ZNF687: variants seen among roughly 807,000 people sequenced by gnomAD.
ZNF687 encodes the protein zinc finger protein 687.
In ZNF687, 13 loss-of-function variants were observed where a neutral mutation model predicts 71.8. The observed-to-expected ratio is 0.18, with a 90% CI of 0.12 to 0.29. ZNF687 has a LOEUF of 0.29. ZNF687 is among the 10% of genes least tolerant of loss of function. The pLI, the probability that ZNF687 is intolerant of heterozygous loss-of-function variation, is 1.00. For synonymous variants in ZNF687, 673 were observed against 641.6 expected (o/e 1.05, Z -0.74); for missense variants, 1,412 against 1,625.6 (o/e 0.87, Z 2.26).
At chr1:151,283,722 A>G in intron 1 of ZNF687, 1 of 651,448 alleles carries the variant, frequency 1.5e-6, no homozygotes, top group Non-Finnish European at 1.9e-6. Context: ...TATAGAGACA[A>G]GGGTTTTTGT....
rs1451544496 is a variant in ZNF687, at chr1:151,282,394, A to G, written c.-19A>G. ...TCTCGGCCCGCACCAGGAGCGGAAC[A>G]AGTAAGCGTGCCTGGGGTAAATACC... On this transcript the variant is annotated splice_region_variant and 5_prime_UTR_variant, in exon 1 of 9. Coordinates refer to ENST00000336715, the MANE Select transcript of ZNF687 (RefSeq NM_020832.3). The G allele has an allele frequency of 1.0e-6, 1 of 988,370 alleles. No homozygotes were observed. Among genetic ancestry groups the G allele is most frequent in the East Asian group, 1.1e-4 (1 of 8,838 alleles). The allele number at this position is 988,370 out of a possible 1,614,324, so 61.2% of individuals were successfully genotyped here.
At chr1:151,282,500 C>T (rs1470855558) in intron 1 of ZNF687, 105 bp downstream of exon 1, 4 of 855,150 alleles carry the variant, frequency 4.7e-6, no homozygotes, top group Non-Finnish European at 5.6e-6. Context: ...CCCTTCTCCG[C>T]GCCGCCCCCT....
At chr1:151,290,288 T>C in intron 7 of ZNF687, 54 bp downstream of exon 7, 2 of 1,610,088 alleles carry the variant, frequency 1.2e-6, no homozygotes, top group Non-Finnish European at 1.7e-6. Context: ...TCTCCCTGTA[T>C]GCCAAAGTAC....
At position 151,286,801 on chromosome 1, in the gene ZNF687, A is replaced by G. The variant is rs754245745; in HGVS notation, c.510A>G (p.Pro170=). The G allele has an allele frequency of 6.2e-7, 1 of 1,614,224 alleles. No individual in the cohort carries two copies. The highest frequency in any genetic ancestry group is 8.5e-7 in the Non-Finnish European group (1 of 1,180,040). Reference sequence around the variant, plus strand: ...TGTTTGCTCATTTTGGCCCTGAGCCAGGGGACCACTCAGATCCGCTGCCTC... The same window carrying G: ...TGTTTGCTCATTTTGGCCCTGAGCCGGGGGACCACTCAGATCCGCTGCCTC... ...LDLFAHFGPE[P]GDHSDPLPPS... Residue 170 remains proline, a synonymous_variant, in exon 2 of 9, where the codon CCA becomes CCG. Coordinates refer to ENST00000336715, the MANE Select transcript of ZNF687 (RefSeq NM_020832.3).
Position 151,287,324 on chromosome 1 carries a change from A to T in ZNF687, c.1033A>T (p.Thr345Ser). The T allele has an allele frequency of 6.2e-7, 1 of 1,614,090 alleles. No individual in the cohort carries two copies. The highest frequency in any genetic ancestry group is 1.1e-5 in the South Asian group (1 of 91,078). ...AACATCCTGCGGGAATATCACAAGG[A>T]CTGTAACTCAGGTCCCCTCAGATCC... ...IKTSCGNITR[T>S]VTQVPSDPDP... The change falls in exon 2 of 9, where the codon ACT becomes TCT. Residue 345 changes from threonine (T) to serine (S), a missense_variant. By Grantham distance (58) the Thr-to-Ser change is moderately conservative. Coordinates refer to ENST00000336715, the MANE Select transcript of ZNF687 (RefSeq NM_020832.3). This position sits in a 1 kb window ranked among gnomAD's most constrained non-coding sequence, Gnocchi z 5.0.
In ZNF687 at chr1:151,289,919, G is replaced by A; in HGVS notation, c.2876G>A (p.Gly959Glu). Reference protein sequence around the residue: ...GSKGLKGGGGGPGGWTCGLCH... With the variant: ...GSKGLKGGGGEPGGWTCGLCH... ...AAAGGCCTCAAGGGTGGGGGTGGGG[G>A]GCCTGGAGGCTGGACCTGTGGCCTG... Residue 959 changes from glycine to glutamate, a missense_variant, in exon 6 of 9, where the codon GGG (glycine) becomes GAG (glutamate). Physicochemically the swap from Gly to Glu is moderately conservative, Grantham distance 98. Coordinates refer to ENST00000336715, the MANE Select transcript of ZNF687 (RefSeq NM_020832.3). 6.4e-7 allele frequency: 1 copy of A among 1,557,830 alleles called. No homozygotes were observed. The highest frequency in any genetic ancestry group is 8.7e-7 in the Non-Finnish European group (1 of 1,148,580).
In ZNF687 at chr1:151,287,650, C is replaced by T. The variant is rs376488322; in HGVS notation, c.1359C>T (p.Asp453=). Reference sequence around the variant, plus strand: ...TGCCCCAAGCCCTGCCTAAGGCTGACGGGCGGGCAGGGCTGGGGACTGGGG... The same window carrying T: ...TGCCCCAAGCCCTGCCTAAGGCTGATGGGCGGGCAGGGCTGGGGACTGGGG... The part of the protein sequence containing the change: ...GLVPQALPKA[D]GRAGLGTGGQ... Residue 453 remains aspartate, a synonymous_variant, in exon 2 of 9, where the codon GAC becomes GAT. Coordinates refer to ENST00000336715, the MANE Select transcript of ZNF687 (RefSeq NM_020832.3). This position sits in a 1 kb window ranked among gnomAD's most constrained non-coding sequence, Gnocchi z 5.0. 2.1e-5 allele frequency: 34 copies of T among 1,612,936 alleles called. No homozygotes were observed. The highest frequency in any genetic ancestry group is 1.1e-4 in the East Asian group (5 of 44,876).
chr1:151,291,146 C>T lies in ZNF687; in HGVS notation c.3651C>T (p.Thr1217=). Residue 1217 remains threonine (T), a synonymous_variant, in exon 9 of 9, where the codon ACC becomes ACT. Transcript: ENST00000336715. ...GCGACAGCCCTCTAAACCTCAAGAC[C>T]CACTTCCGCACGCATGGCATGGCGT... ...KSCDSPLNLK[T]HFRTHGMAFI... is the part of the protein sequence containing the mutation. 1.2e-6 allele frequency: 2 copies of T among 1,613,124 alleles called. No homozygotes were observed. Among genetic ancestry groups the T allele is most frequent in the Non-Finnish European group, 1.7e-6 (2 of 1,179,990 alleles).
chr1:151,290,649 C>G, intron 8 of ZNF687, 66 bp from the exon 9 acceptor site: 4 of 1,577,654 alleles, frequency 2.5e-6, no homozygotes, highest in Non-Finnish European at 2.6e-6. Flanking sequence ...CCTCAGGAAG[C>G]GAGCATGGGG....
intron 1 of ZNF687, 77 bp from the exon 2 acceptor site, chr1:151,286,198 G>A: frequency 8.2e-7 from 1 of 1,223,662 alleles, no homozygotes; most frequent in Non-Finnish European, 1.1e-6. Flanking sequence ...GGATAAATAT[G>A]GAGATGCTGA....
chr1:151,289,785 G>A lies in ZNF687; in HGVS notation c.2742G>A (p.Gly914=), dbSNP rs1694122408. Residue 914 remains glycine, a synonymous_variant, in exon 6 of 9, where the codon GGG becomes GGA. Transcript: ENST00000336715. The part of the protein sequence containing the change: ...EPEELAVSQG[G]AAPATEESSS... The stretch of plus-strand genomic sequence containing the variant: ...AGGAGCTGGCTGTTTCTCAGGGAGG[G>A]GCAGCCCCTGCTACTGAGGAGTCGT... The A allele has an allele frequency of 1.3e-6, 2 of 1,562,852 alleles. No individual in the cohort carries two copies. Among genetic ancestry groups the A allele is most frequent in the Non-Finnish European group, 1.7e-6 (2 of 1,153,128 alleles).
chr1:151,287,452 C>T lies in ZNF687; in HGVS notation c.1161C>T (p.Ser387=), dbSNP rs201223589. ...TPTSEGPKVV[S]VQLGDGTRLK... is the part of the protein sequence containing the mutation. ...CTTCTGAGGGTCCAAAGGTGGTGAGCGTACAGTTGGGTGATGGTACAAGGC... is the reference window on the plus strand; with the variant it reads ...CTTCTGAGGGTCCAAAGGTGGTGAGTGTACAGTTGGGTGATGGTACAAGGC... Residue 387 remains serine, a synonymous_variant, in exon 2 of 9, where the codon AGC becomes AGT. Coordinates refer to ENST00000336715, the MANE Select transcript of ZNF687 (RefSeq NM_020832.3). This position sits in a 1 kb window ranked among gnomAD's most constrained non-coding sequence, Gnocchi z 5.0. The T allele has an allele frequency of 9.5e-5, 154 of 1,614,152 alleles. 1 individual carries two copies. In the South Asian group the frequency reaches 1.2e-3, roughly 13 times the overall value.
At chr1:151,281,896 C>A, upstream of ZNF687, 1 of 649,002 alleles carries the variant, frequency 1.5e-6, no homozygotes, top group Non-Finnish European at 2.3e-6. Flanking sequence ...CGAAAGTGAA[C>A]TGCAGCTTCA....
In ZNF687 at chr1:151,291,290, G is replaced by A; in HGVS notation, c.*81G>A. Reference sequence around the variant, plus strand: ...TGCTGCCTGATCCCTCGGCTGGGGAGTTTTCATTAACATTAATATTTTGTT... The same window carrying A: ...TGCTGCCTGATCCCTCGGCTGGGGAATTTTCATTAACATTAATATTTTGTT... On this transcript the variant is annotated 3_prime_UTR_variant, in exon 9 of 9. Transcript: ENST00000336715. 1.3e-6 allele frequency: 2 copies of A among 1,487,618 alleles called. No homozygotes were observed. Among genetic ancestry groups the A allele is most frequent in the Non-Finnish European group, 1.8e-6 (2 of 1,113,672 alleles). 92.2% of individuals were successfully genotyped at this position (1,487,618 alleles called of 1,614,324 possible). A position where few individuals can be genotyped will look rare whatever the true frequency, so the allele number is the denominator to read the frequency against.
chr1:151,285,063 C>G (rs915780690), intron 1 of ZNF687: 2 of 152,068 alleles, frequency 1.3e-5, no homozygotes, highest in African/African-American at 4.8e-5. Flanking sequence ...ATGTGAGCCA[C>G]CACACCCGGC....
chr1:151,283,944 T>C, intron 1 of ZNF687: 1 of 985,416 alleles, frequency 1.0e-6, no homozygotes, highest in Non-Finnish European at 1.2e-6. Flanking sequence ...ATAGACTCTT[T>C]AGTTGCTTCT....
chr1:151,290,464 G>A lies in ZNF687; in HGVS notation c.3110G>A (p.Ser1037Asn). 1 of 1,613,980 alleles carries A rather than the reference G, an allele frequency of 6.2e-7. No individual in the cohort carries two copies. The highest frequency in any genetic ancestry group is 8.5e-7 in the Non-Finnish European group (1 of 1,180,016). ...YCTEGKRTFS[S>N]RLILEKHVQV... ...ACAGAGGGAAAACGCACCTTCAGCA[G>A]CCGCCTGATCCTAGAGAAACATGTC... The change falls in exon 8 of 9, where the codon AGC becomes AAC. Residue 1037 changes from serine (S) to asparagine (N), a missense_variant. Ser to Asn is a conservative substitution (Grantham distance 46). Transcript: ENST00000336715.
chr1:151,290,840 G>T lies in ZNF687; in HGVS notation c.3345G>T (p.Arg1115=), dbSNP rs752299456. 4.3e-6 allele frequency: 7 copies of T among 1,613,910 alleles called. No individual in the cohort carries two copies. In the African/African-American group the frequency reaches 9.3e-5, roughly 22 times the overall value. The part of the protein sequence containing the change: ...GSGGHGPLRY[R]SSSSTEQSLM... ...GAGGCCATGGCCCTCTGCGCTACCG[G>T]AGCAGCAGCTCCACAGAACAGAGCC... is the stretch of plus-strand genomic sequence containing the variant. Residue 1115 remains arginine, a synonymous_variant, in exon 9 of 9, where the codon CGG becomes CGT. Transcript: ENST00000336715.
Position 151,286,439 on chromosome 1 carries a change from G to C in ZNF687, c.148G>C (p.Glu50Gln). The C allele has an allele frequency of 6.2e-7, 1 of 1,613,824 alleles. No homozygotes were observed. Among genetic ancestry groups the C allele is most frequent in the African/African-American group, 1.3e-5 (1 of 75,028 alleles). The change falls in exon 2 of 9, where the codon GAA becomes CAA. Residue 50 changes from glutamate (E) to glutamine (Q), a missense_variant. By Grantham distance (29) the Glu-to-Gln change is conservative. Transcript: ENST00000336715. ...PGKPEPGVGS[E>Q]SEDTAAASAG... is the part of the protein sequence containing the mutation. ...GAAGCCAGAACCAGGTGTAGGAAGTGAATCTGAAGACACAGCAGCAGCCTC... is the reference window on the plus strand; with the variant it reads ...GAAGCCAGAACCAGGTGTAGGAAGTCAATCTGAAGACACAGCAGCAGCCTC...
Sources: gnomAD v4.1 joint callset for allele counts on GRCh38, gnomAD v4.1.1 for gene constraint, Gnocchi (gnomAD v3.1) non-coding constraint, MANE v1.5 for transcripts, NCBI Gene and HGNC (gene_info 2026-07-23, HGNC 2026-07-21) for gene names.